Variants in MROH2B observed in about 807,000 individuals in gnomAD.
The protein encoded by MROH2B is maestro heat like repeat family member 2B.
MROH2B carries 177 observed loss-of-function variants against 208.6 expected under a neutral mutation model. The ratio of observed to expected loss-of-function variants is 0.85; its 90% CI spans 0.75 to 0.96. The LOEUF (loss-of-function observed/expected upper bound fraction) is 0.96. MROH2B is among the 40% of genes least tolerant of loss of function. MROH2B has a pLI of 0.00. For synonymous variants in MROH2B, 728 were observed against 659.0 expected (o/e 1.10, Z -1.60); for missense variants, 2,002 against 1,878.7 (o/e 1.07, Z -1.21).
chr5:41,026,630 C>T (rs942270894), intron 24 of MROH2B, among the ~76,000 whole-genome samples: 6 of 152,134 alleles, frequency 3.9e-5, no homozygotes, highest in African/African-American at 1.2e-4. Flanking sequence ...TTTATAGATT[C>T]AATGCCATCC....
At chr5:41,026,310 C>T (rs141151151) in intron 24 of MROH2B, among the ~76,000 whole-genome samples, 29,318 of 152,160 alleles carry the variant, frequency 0.19, 3,133 homozygotes, top group South Asian at 0.33. Context: ...CCAAAATCTA[C>T]TTAAGCTGAT....
intron 34 of MROH2B, 49 bp downstream of exon 34, chr5:41,007,265 T>A (rs1365915577): frequency 5.8e-6 from 8 of 1,374,906 alleles, no homozygotes; most frequent in Non-Finnish European, 7.6e-6. Flanking sequence ...TTTGTTTGTT[T>A]GTTTTTGTTT....
chr5:41,008,583 A>T (rs766830576), intron 33 of MROH2B, 23 bp downstream of exon 33: 1 of 1,611,120 alleles, frequency 6.2e-7, no homozygotes, highest in East Asian at 2.2e-5. Flanking sequence ...ACTGTGGAAG[A>T]TGCTTCCTGA....
At position 41,070,629 on chromosome 5, in the gene MROH2B, A is replaced by G. The variant is rs571741976; in HGVS notation, c.28+196T>C. On this transcript the variant is annotated intron_variant, in intron 1 of 41. Transcript: ENST00000399564. ...AAATTTTAAAGCACAACCATCTCTT[A>G]GGCTTCCAGTCTATTATTGGTCCTT... 2.6e-5 allele frequency among the ~76,000 whole-genome samples: 4 copies of G among 152,264 alleles called. No homozygotes were observed. The South Asian group carries it at 8.3e-4, about 32-fold the overall frequency.
chr5:41,024,183 A>C (rs1742262808), intron 24 of MROH2B, among the ~76,000 whole-genome samples: 1 of 152,216 alleles, frequency 6.6e-6, no homozygotes, highest in Admixed American at 6.5e-5. Flanking sequence ...CACACATAAC[A>C]ATATTAACCT....
At chr5:41,015,360 T>C (rs1741904497) in intron 29 of MROH2B, 21 bp downstream of exon 29, 1 of 1,600,706 alleles carries the variant, frequency 6.2e-7, no homozygotes, top group Non-Finnish European at 8.6e-7. Flanking sequence ...TTACATCCCC[T>C]GGCCACTCCA....
In MROH2B at chr5:41,027,514, G is replaced by A. The variant is rs1476258910; in HGVS notation, c.2441+5228C>T. 2.0e-5 allele frequency among the ~76,000 whole-genome samples: 3 copies of A among 152,130 alleles called. No individual in the cohort carries two copies. In the East Asian group the frequency reaches 5.8e-4, roughly 29 times the overall value. ...ATACCATCTCACACCAGTTAGAATG[G>A]CAATCATTAAAAAGTCAGGAAACAA... On this transcript the variant is annotated intron_variant, in intron 24 of 41. Transcript: ENST00000399564.
chr5:41,043,336 A>T (rs1743011591), intron 18 of MROH2B, among the ~76,000 whole-genome samples: 2 of 152,238 alleles, frequency 1.3e-5, no homozygotes, highest in African/African-American at 4.8e-5. Context: ...CAAAGTCCCT[A>T]TAATAAGGAA....
At chr5:41,035,845 G>A (rs1443081985) in intron 21 of MROH2B, among the ~76,000 whole-genome samples, 2 of 151,962 alleles carry the variant, frequency 1.3e-5, no homozygotes, top group Admixed American at 6.6e-5. Flanking sequence ...AAAAACAGAC[G>A]CTGGTGAGGC....
At chr5:41,067,602 A>T (rs1743851966) in intron 2 of MROH2B, among the ~76,000 whole-genome samples, 1 of 152,128 alleles carries the variant, frequency 6.6e-6, no homozygotes, top group Admixed American at 6.6e-5. Flanking sequence ...TCCTGACCTC[A>T]GGTGATCCAC....
chr5:41,022,757 C>G (rs1357108416), intron 24 of MROH2B, among the ~76,000 whole-genome samples: 1 of 152,164 alleles, frequency 6.6e-6, no homozygotes, highest in East Asian at 1.9e-4. Context: ...CAAGTGGGTC[C>G]CTGATGCCCT....
At chr5:41,019,356 GAA>G (rs1742069385) in intron 24 of MROH2B, among the ~76,000 whole-genome samples, 1 of 152,142 alleles carries the variant, frequency 6.6e-6, no homozygotes, top group African/African-American at 2.4e-5. Context: ...GAGAGAGTGA[GAA>G]AGAGAGAGAG....
At position 41,049,008 on chromosome 5, in the gene MROH2B, G is replaced by T. The variant is rs1743204426; in HGVS notation, c.1542+93C>A. ...TTTTTAGTGTTTCTTTTTGTTTGGA[G>T]TATCTATGTAATTTATATTAGCACT... On this transcript the variant is annotated intron_variant, in intron 15 of 41. Transcript: ENST00000399564. 9.1e-6 allele frequency: 11 copies of T among 1,214,374 alleles called. No individual in the cohort carries two copies. The South Asian group carries it at 1.3e-4, about 14-fold the overall frequency. 75.2% of individuals were successfully genotyped at this position (1,214,374 alleles called of 1,614,324 possible).
intron 21 of MROH2B, among the ~76,000 whole-genome samples, chr5:41,037,247 T>TA (rs1038325073): frequency 1.6e-4 from 25 of 151,934 alleles, no homozygotes; most frequent in Admixed American, 5.9e-4. Flanking sequence ...ATTACACGCT[T>TA]AAAAAAAATA....
intron 19 of MROH2B, among the ~76,000 whole-genome samples, chr5:41,040,376 T>C (rs1742904740): frequency 6.6e-6 from 1 of 152,350 alleles, no homozygotes; most frequent in East Asian, 1.9e-4. Flanking sequence ...TTCAGTGGCA[T>C]AACCCTGCCA....
At position 41,010,069 on chromosome 5, in the gene MROH2B, A is replaced by G; in HGVS notation, c.3146T>C (p.Ile1049Thr). The G allele has an allele frequency of 6.2e-7, 1 of 1,612,996 alleles. No individual in the cohort carries two copies. Among genetic ancestry groups the G allele is most frequent in the Non-Finnish European group, 8.5e-7 (1 of 1,179,512 alleles). Residue 1049 changes from isoleucine (I) to threonine (T), a missense_variant, in exon 31 of 42, where the codon ATC becomes ACC. By Grantham distance (89) the Ile-to-Thr change is moderately conservative. Transcript: ENST00000399564. Reference sequence around the variant, plus strand: ...CATGTGATGGTAGATTGTGCCTAAGATCTCCAATAGCTAAAGAGAAAAAAG... The same window carrying G: ...CATGTGATGGTAGATTGTGCCTAAGGTCTCCAATAGCTAAAGAGAAAAAAG... Reference protein sequence around the residue: ...GAALEDQLLEILGTIYHHMPV... With the variant: ...GAALEDQLLETLGTIYHHMPV...
chr5:41,005,433 C>G, intron 35 of MROH2B, 98 bp downstream of exon 35: 3 of 165,162 alleles, frequency 1.8e-5, no homozygotes, highest in African/African-American at 3.7e-5. Context: ...CCCTTGAAGT[C>G]TCTCTTCCCT....
In MROH2B at chr5:41,057,317, C is replaced by G. The variant is rs764976000; in HGVS notation, c.800G>C (p.Gly267Ala). Residue 267 changes from glycine to alanine, a missense_variant, in exon 8 of 42, where the codon GGC (glycine) becomes GCC (alanine). By Grantham distance (60) the Gly-to-Ala change is moderately conservative. Transcript: ENST00000399564. ...GGATCTTCTCAAGCTCCTTGGAAGG[C>G]CAATGTCATAAAGAACTGCTGCAGT... is the stretch of plus-strand genomic sequence containing the variant. ...ILTAAVLYDIGLPRSLRRSIF... is the reference protein window; with the variant it reads ...ILTAAVLYDIALPRSLRRSIF... The G allele has an allele frequency of 1.3e-6, 2 of 1,591,014 alleles. No homozygotes were observed. The highest frequency in any genetic ancestry group is 1.7e-6 in the Non-Finnish European group (2 of 1,167,962).
rs1332799375 is a variant in MROH2B at position 41,042,097 on chromosome 5, T to G, written c.1948A>C (p.Arg650=). The G allele has an allele frequency of 6.3e-7, 1 of 1,577,724 alleles. No homozygotes were observed. The highest frequency in any genetic ancestry group is 8.6e-7 in the Non-Finnish European group (1 of 1,158,058). ...LTAPNQLGDQ[R]QGITSILGYC... ...TTGAGAGCAAGGGGTCCCACCTGTC[T>G]TTGATCCCCCAGTTGGTTGGGAGCA... is the stretch of plus-strand genomic sequence containing the variant. Residue 650 remains arginine (R), a synonymous_variant, in exon 19 of 42, where the codon AGA becomes CGA. Coordinates refer to ENST00000399564, the MANE Select transcript of MROH2B (RefSeq NM_173489.5).
Sources: gnomAD v4.1 joint callset for allele counts (sites outside exome capture counted in the v4.1 genomes callset) on GRCh38, gnomAD v4.1.1 for gene constraint, MANE v1.5 for transcripts, NCBI Gene and HGNC (gene_info 2026-07-23, HGNC 2026-07-21) for gene names.